ZFHX3: variants seen among roughly 807,000 people sequenced by gnomAD.
The protein encoded by ZFHX3 is zinc finger homeobox 3.
In ZFHX3, 42 loss-of-function variants were observed where a neutral mutation model predicts 279.1. That is an observed-to-expected ratio of 0.15 (90% confidence interval 0.12 to 0.19). The LOEUF (loss-of-function observed/expected upper bound fraction) is 0.19. Ranked by LOEUF, ZFHX3 falls within the 10% of genes least tolerant of loss-of-function variation. The pLI is 1.00. For synonymous variants in ZFHX3, 2,293 were observed against 1,957.8 expected, an observed-to-expected ratio of 1.17 and a Z score of -4.52; for missense variants, 4,981 against 4,754.0, an observed-to-expected ratio of 1.05 and a Z score of -1.40.
intron 3 of ZFHX3, among the ~76,000 whole-genome samples, chr16:73,376,557 A>G (rs1041945370): frequency 2.6e-5 from 4 of 152,154 alleles, no homozygotes; most frequent in African/African-American, 9.6e-5. Flanking sequence ...GGACTTTTTC[A>G]TGTTTGTTGT....
At chr16:73,159,010 T>C (rs555964567) in intron 5 of ZFHX3, among the ~76,000 whole-genome samples, 3 of 152,262 alleles carry the variant, frequency 2.0e-5, no homozygotes, top group African/African-American at 4.8e-5. Flanking sequence ...ACTCTGGACA[T>C]AGGAACAGGC....
At chr16:73,481,889 G>C (rs1296184492) in intron 2 of ZFHX3, among the ~76,000 whole-genome samples, 1 of 152,070 alleles carries the variant, frequency 6.6e-6, no homozygotes, top group Non-Finnish European at 1.5e-5. Flanking sequence ...ACGGTCATGG[G>C]TTATGTCAGC....
intron 4 of ZFHX3, among the ~76,000 whole-genome samples, chr16:72,850,653 C>CT (rs1291907047): frequency 0.098 from 9 of 92 alleles, no homozygotes; most frequent in Non-Finnish European, 0.17. Context: ...AGAGGCCGGG[C>CT]TCGCCAGGCC....
Position 72,797,381 on chromosome 16 carries a change from G to A in ZFHX3, c.5301C>T (p.Ile1767=), listed in dbSNP as rs1167688269. ...GGGTGGGGTTAAACAGCTGAGACTG[G>A]ATCAGGGCAGCCTGTTGCTGCAGCT... ...QQELQQQAAL[I]QSQLFNPTLL... The change falls in exon 9 of 10, where the codon ATC becomes ATT. Residue 1767 remains isoleucine (I), a synonymous_variant. Transcript: ENST00000268489. The A allele has an allele frequency of 4.4e-6, 7 of 1,605,736 alleles. No individual in the cohort carries two copies. In the East Asian group the frequency reaches 1.1e-4, roughly 26 times the overall value.
At chr16:72,876,926 C>A (rs549771570) in intron 4 of ZFHX3, among the ~76,000 whole-genome samples, 13 of 152,204 alleles carry the variant, frequency 8.5e-5, no homozygotes, top group African/African-American at 2.6e-4. Flanking sequence ...CCAAGGGGAA[C>A]AGAGACTTGG....
chr16:73,036,251 G>C (rs1294531262), intron 1 of ZFHX3, among the ~76,000 whole-genome samples: 1 of 152,208 alleles, frequency 6.6e-6, no homozygotes, highest in Non-Finnish European at 1.5e-5. Context: ...TCTGCCACTA[G>C]GGATCACAAG....
chr16:73,652,239 C>T (rs1473792159), intron 2 of ZFHX3, among the ~76,000 whole-genome samples: 2 of 152,150 alleles, frequency 1.3e-5, no homozygotes, highest in East Asian at 3.9e-4. Flanking sequence ...TGGGCAGGAG[C>T]TTATGTGCTA....
chr16:73,586,290 C>G (rs1200548324), intron 2 of ZFHX3, among the ~76,000 whole-genome samples: 1 of 149,512 alleles, frequency 6.7e-6, no homozygotes, highest in Non-Finnish European at 1.5e-5. Context: ...TCAGGAGGCT[C>G]AGGCATGAAA....
At chr16:72,807,245 T>C (rs995937378) in intron 7 of ZFHX3, 1 of 152,230 alleles carries the variant, frequency 6.6e-6, no homozygotes, top group African/African-American at 2.4e-5. Context: ...CAGCCAGTTG[T>C]GGAGGGGCCC....
intron 4 of ZFHX3, among the ~76,000 whole-genome samples, chr16:72,850,439 TAGTC>T (rs529075584): frequency 6.6e-6 from 1 of 152,212 alleles, no homozygotes; most frequent in Non-Finnish European, 1.5e-5. Context: ...GAAATACACA[TAGTC>T]AATCATTTCA....
In ZFHX3 at chr16:73,855,646, G is replaced by A. The variant is rs539515499; in HGVS notation, c.-1608+36005C>T. ...GACAAGAGTGAAAAACACAGATTTAGTCATCTCTGGAAAACATAACAAGCT... is the reference window on the plus strand; with the variant it reads ...GACAAGAGTGAAAAACACAGATTTAATCATCTCTGGAAAACATAACAAGCT... On this transcript the variant is annotated intron_variant, in intron 1 of 17. Transcript: ENST00000641206. 2.0e-5 allele frequency among the ~76,000 whole-genome samples: 3 copies of A among 152,292 alleles called. No homozygotes were observed. In the East Asian group the frequency reaches 5.8e-4, roughly 29 times the overall value.
At chr16:72,858,150 C>T (rs2037798668) in intron 4 of ZFHX3, among the ~76,000 whole-genome samples, 1 of 152,198 alleles carries the variant, frequency 6.6e-6, no homozygotes, top group African/African-American at 2.4e-5. Flanking sequence ...TAACAAGGGC[C>T]TTTCTGGTCA....
At chr16:73,646,018 T>C (rs564240789) in intron 2 of ZFHX3, among the ~76,000 whole-genome samples, 118 of 152,308 alleles carry the variant, frequency 7.7e-4, no homozygotes, top group Admixed American at 6.9e-3. Flanking sequence ...TGAAAATCGA[T>C]ATAGCCTTTT....
intron 3 of ZFHX3, among the ~76,000 whole-genome samples, chr16:72,942,436 G>C (rs1439016070): frequency 1.3e-5 from 2 of 152,184 alleles, no homozygotes; most frequent in East Asian, 1.9e-4. Flanking sequence ...GGTAGGTGAA[G>C]GTACTGGAAG....
chr16:73,216,232 C>A (rs1458596545), intron 5 of ZFHX3, among the ~76,000 whole-genome samples: 2 of 152,212 alleles, frequency 1.3e-5, no homozygotes, highest in Admixed American at 6.5e-5. Context: ...AGTTATCTTT[C>A]CAAAACTGCC....
chr16:73,402,796 T>A (rs1380820001), intron 3 of ZFHX3, among the ~76,000 whole-genome samples: 3 of 151,964 alleles, frequency 2.0e-5, no homozygotes, highest in East Asian at 1.9e-4. Flanking sequence ...AATGTCAATA[T>A]GAGTTACACA....
At chr16:73,026,250 T>A (rs1160869164) in intron 1 of ZFHX3, among the ~76,000 whole-genome samples, 6 of 124,922 alleles carry the variant, frequency 4.8e-5, no homozygotes, top group South Asian at 2.9e-4. Context: ...GCGCCTGTAA[T>A]CCCAGCAACT....
At chr16:73,114,399 G>T (rs1164331066) in intron 7 of ZFHX3, among the ~76,000 whole-genome samples, 1 of 152,100 alleles carries the variant, frequency 6.6e-6, no homozygotes, top group Non-Finnish European at 1.5e-5. Context: ...TAAACTGTCA[G>T]TCATGGTGGT....
At chr16:72,982,014 C>T (rs1328380797) in intron 1 of ZFHX3, among the ~76,000 whole-genome samples, 1 of 151,700 alleles carries the variant, frequency 6.6e-6, no homozygotes, top group Admixed American at 6.6e-5. Flanking sequence ...TCCTGAGTAG[C>T]TGGGATTACA....
Sources: gnomAD v4.1 joint callset for allele counts (sites outside exome capture counted in the v4.1 genomes callset) on GRCh38, gnomAD v4.1.1 for gene constraint, MANE v1.5 for transcripts, NCBI Gene and HGNC (gene_info 2026-07-23, HGNC 2026-07-21) for gene names.